The following SGCD variants were observed in gnomAD, a reference collection of about 807,000 sequenced individuals.
SGCD encodes sarcoglycan delta, also known as delta-sarcoglycan.
A neutral mutation model predicts 36.6 loss-of-function variants in SGCD; 18 were observed. The observed-to-expected ratio is 0.49, with a 90% CI of 0.34 to 0.73. The LOEUF (loss-of-function observed/expected upper bound fraction) is 0.73. SGCD is among the 30% of genes least tolerant of loss of function. The pLI is 0.01. For missense variants in SGCD, 387 were observed against 346.7 expected, an observed-to-expected ratio of 1.12 and a Z score of -0.92; for synonymous variants, 133 against 130.6, an observed-to-expected ratio of 1.02 and a Z score of -0.12.
intron 1 of SGCD, among the ~76,000 whole-genome samples, chr5:156,062,578 A>C (rs1239572944): frequency 1.2e-5 from 1 of 80,802 alleles, no homozygotes; most frequent in East Asian, 3.3e-4. Context: ...ATTTCTCCGC[A>C]TCCTCTCCAG....
rs187358553 is a variant in SGCD, at chr5:156,637,017, C to A, written c.503-10447C>A. ...TTTGGCTGTGTCCCTAGCCAAATCT[C>A]ATCTTGAATTGTAGTTCCCATAATC... On this transcript the variant is annotated intron_variant, in intron 6 of 8. Coordinates refer to ENST00000337851, the MANE Select transcript of SGCD (RefSeq NM_000337.6). Among the ~76,000 whole-genome samples, 10 of 152,184 alleles carry A rather than the reference C, an allele frequency of 6.6e-5. No homozygotes were observed. In the East Asian group the frequency reaches 1.7e-3, roughly 26 times the overall value.
intron 4 of SGCD, among the ~76,000 whole-genome samples, chr5:156,550,547 G>T (rs1246630446): frequency 6.6e-6 from 1 of 152,140 alleles, no homozygotes; most frequent in Non-Finnish European, 1.5e-5. Flanking sequence ...AGATCCCTTG[G>T]TCCACAGATA....
chr5:155,959,708 T>C (rs1757751778), intron 1 of SGCD, among the ~76,000 whole-genome samples: 2 of 152,150 alleles, frequency 1.3e-5, no homozygotes, highest in African/African-American at 4.8e-5. Flanking sequence ...TTAGTAGTAC[T>C]TTTATAAATA....
At chr5:156,585,995 C>T (rs978551951) in intron 4 of SGCD, among the ~76,000 whole-genome samples, 4 of 151,870 alleles carry the variant, frequency 2.6e-5, no homozygotes, top group African/African-American at 9.7e-5. Flanking sequence ...AATTTTGTCA[C>T]AATTAATGAA....
At chr5:156,238,119 C>CT (rs913032091) in intron 3 of SGCD, among the ~76,000 whole-genome samples, 1 of 151,972 alleles carries the variant, frequency 6.6e-6, no homozygotes, top group African/African-American at 2.4e-5. Flanking sequence ...CTAATTTCTT[C>CT]TTTTTTGTAG....
intron 7 of SGCD, among the ~76,000 whole-genome samples, chr5:156,742,133 C>A (rs1403050679): frequency 6.6e-6 from 1 of 152,192 alleles, no homozygotes; most frequent in Non-Finnish European, 1.5e-5. Context: ...GCCTCGGCCT[C>A]CCAAAGTGCT....
At chr5:156,023,644 A>C (rs1258053754) in intron 1 of SGCD, among the ~76,000 whole-genome samples, 1 of 152,302 alleles carries the variant, frequency 6.6e-6, no homozygotes, top group South Asian at 2.1e-4. Flanking sequence ...CAGGTGCCAA[A>C]GTGTTGAGAT....
chr5:156,494,280 G>A (rs1036643377), intron 3 of SGCD, among the ~76,000 whole-genome samples: 1 of 151,288 alleles, frequency 6.6e-6, no homozygotes, highest in African/African-American at 2.4e-5. Context: ...AAGATTCTTT[G>A]ACTAGTAAGT....
chr5:156,130,709 G>A (rs1762301683), intron 3 of SGCD, among the ~76,000 whole-genome samples: 2 of 151,820 alleles, frequency 1.3e-5, no homozygotes, highest in South Asian at 2.1e-4. Context: ...TGTATTTCTC[G>A]TTTTTCTTTT....
intron 3 of SGCD, among the ~76,000 whole-genome samples, chr5:156,496,295 C>T (rs138871516): frequency 6.6e-6 from 1 of 152,082 alleles, no homozygotes; most frequent in Non-Finnish European, 1.5e-5. Context: ...CTATATTCTT[C>T]CTGTAATTCC....
At chr5:156,576,294 T>C (rs566534901) in intron 4 of SGCD, among the ~76,000 whole-genome samples, 1 of 152,238 alleles carries the variant, frequency 6.6e-6, no homozygotes, top group Non-Finnish European at 1.5e-5. Flanking sequence ...ATGGTGTATA[T>C]GTGCCACATT....
intron 4 of SGCD, among the ~76,000 whole-genome samples, chr5:156,511,455 T>C (rs532123742): frequency 8.7e-4 from 133 of 152,322 alleles, no homozygotes; most frequent in Admixed American, 1.4e-3. Context: ...GTCTTCAAAA[T>C]GTCAAATCGC....
At chr5:155,840,373 A>T in the SGCD span, among the ~76,000 whole-genome samples, 1 of 148,562 alleles carries the variant, frequency 6.7e-6, no homozygotes, top group Non-Finnish European at 1.5e-5. Context: ...CCTCCCGAGT[A>T]GCTGGGACTA....
intron 3 of SGCD, among the ~76,000 whole-genome samples, chr5:156,278,793 C>T (rs1766380229): frequency 6.6e-6 from 1 of 152,156 alleles, no homozygotes; most frequent in African/African-American, 2.4e-5. Flanking sequence ...GTGTTTTCCT[C>T]CAGAGTTTCC....
At chr5:155,738,052 C>T in the SGCD span, among the ~76,000 whole-genome samples, 1 of 152,086 alleles carries the variant, frequency 6.6e-6, no homozygotes, top group Non-Finnish European at 1.5e-5. Context: ...CTTAATCCCT[C>T]TATATGTCTC....
intron 1 of SGCD, among the ~76,000 whole-genome samples, chr5:155,962,707 G>A (rs1757816136): frequency 6.6e-6 from 1 of 152,098 alleles, no homozygotes; most frequent in African/African-American, 2.4e-5. Flanking sequence ...CGGTAGAATA[G>A]GTGCCTGATT....
chr5:156,718,901 G>A (rs1203324707), intron 7 of SGCD, among the ~76,000 whole-genome samples: 2 of 150,848 alleles, frequency 1.3e-5, no homozygotes, highest in Non-Finnish European at 2.9e-5. Flanking sequence ...ATATAAAGAT[G>A]AAAAGAAATA....
the SGCD span, among the ~76,000 whole-genome samples, chr5:155,862,065 A>G: frequency 3.9e-5 from 6 of 152,192 alleles, no homozygotes; most frequent in African/African-American, 7.2e-5. Context: ...CCAGAGAGAT[A>G]TATCTCAGGA....
At chr5:156,203,312 C>T (rs566061850) in intron 3 of SGCD, among the ~76,000 whole-genome samples, 29 of 152,106 alleles carry the variant, frequency 1.9e-4, no homozygotes, top group African/African-American at 7.0e-4. Flanking sequence ...TTCAAGATCA[C>T]CATAAGAATG....
Sources: gnomAD v4.1 joint callset for allele counts (sites outside exome capture counted in the v4.1 genomes callset) on GRCh38, gnomAD v4.1.1 for gene constraint, MANE v1.5 for transcripts, NCBI Gene and HGNC (gene_info 2026-07-23, HGNC 2026-07-21) for gene names.